Variants in PCNX2 observed in about 807,000 individuals in gnomAD.
The protein encoded by PCNX2 is pecanex 2.
Under a neutral mutation model 223.8 loss-of-function variants are expected in PCNX2, and 168 were observed. The ratio of observed to expected loss-of-function variants is 0.75; its 90% CI spans 0.66 to 0.85. PCNX2 has a LOEUF of 0.85. Ranked by LOEUF, PCNX2 falls within the 40% of genes least tolerant of loss-of-function variation. PCNX2 has a pLI of 0.00. For synonymous variants in PCNX2, 1,006 were observed against 1,052.6 expected (o/e 0.96, Z 0.86); for missense variants, 2,507 against 2,675.5 (o/e 0.94, Z 1.39).
chr1:233,248,178 C>G (rs909216099), intron 8 of PCNX2, among the ~76,000 whole-genome samples: 3 of 152,074 alleles, frequency 2.0e-5, no homozygotes, highest in African/African-American at 7.2e-5. Context: ...ATTCAGTTGC[C>G]TTTTCACCAG....
chr1:232,987,879 T>C (rs1012683229), intron 32 of PCNX2, among the ~76,000 whole-genome samples: 5 of 152,174 alleles, frequency 3.3e-5, no homozygotes, highest in African/African-American at 1.2e-4. Context: ...GGTGCTCCCA[T>C]CTCACTTTCT....
At chr1:233,232,000 C>G (rs895770297) in intron 9 of PCNX2, among the ~76,000 whole-genome samples, 10 of 152,168 alleles carry the variant, frequency 6.6e-5, no homozygotes, top group Admixed American at 5.9e-4. Flanking sequence ...ATGAGAGTAC[C>G]TAGCCCAGTG....
chr1:233,156,381 A>G (rs2102812724), intron 19 of PCNX2, among the ~76,000 whole-genome samples: 1 of 152,346 alleles, frequency 6.6e-6, no homozygotes, highest in South Asian at 2.1e-4. Context: ...AGTTTGTTCC[A>G]GCGACTACAG....
the PCNX2 span, among the ~76,000 whole-genome samples, chr1:233,314,537 A>T: frequency 6.6e-6 from 1 of 152,194 alleles, no homozygotes; most frequent in Non-Finnish European, 1.5e-5. Context: ...GAGAATAATT[A>T]ACAGCTAAGA....
intron 23 of PCNX2, among the ~76,000 whole-genome samples, chr1:233,066,916 C>T (rs936590780): frequency 1.3e-5 from 2 of 152,070 alleles, no homozygotes; most frequent in Non-Finnish European, 2.9e-5. Context: ...CTATCCCTCC[C>T]ATTCAGGAAA....
the PCNX2 span, among the ~76,000 whole-genome samples, chr1:233,300,979 T>C: frequency 1.3e-5 from 2 of 152,106 alleles, no homozygotes; most frequent in African/African-American, 4.8e-5. Flanking sequence ...GATGAAAGGC[T>C]CTTTTGTAAC....
At chr1:233,158,546 G>A (rs1334816941) in intron 19 of PCNX2, among the ~76,000 whole-genome samples, 1 of 152,178 alleles carries the variant, frequency 6.6e-6, no homozygotes, top group Non-Finnish European at 1.5e-5. Flanking sequence ...AGAAGTAAAG[G>A]TAAAGGTATA....
chr1:233,272,306 AAC>A (rs201030754), intron 1 of PCNX2, among the ~76,000 whole-genome samples: 1,509 of 150,554 alleles, frequency 0.01, 12 homozygotes, highest in South Asian at 0.029. Context: ...AAAAAAAAAA[AAC>A]GATCCCATCA....
At chr1:233,263,605 A>C (rs10157957) in intron 1 of PCNX2, among the ~76,000 whole-genome samples, 1 of 151,574 alleles carries the variant, frequency 6.6e-6, no homozygotes, top group East Asian at 1.9e-4. Context: ...ACAGGCATTC[A>C]CCACCATGCC....
intron 13 of PCNX2, among the ~76,000 whole-genome samples, chr1:233,202,666 G>A (rs1000514928): frequency 3.3e-5 from 5 of 152,190 alleles, no homozygotes; most frequent in African/African-American, 9.7e-5. Flanking sequence ...AGGGAAAGGT[G>A]AGTACAATCC....
At chr1:233,232,666 T>C (rs1385117589) in intron 9 of PCNX2, among the ~76,000 whole-genome samples, 2 of 152,236 alleles carry the variant, frequency 1.3e-5, no homozygotes, top group Non-Finnish European at 2.9e-5. Context: ...TTATTTCAAT[T>C]GTTTCATCTT....
At chr1:233,320,440 G>A in the PCNX2 span, among the ~76,000 whole-genome samples, 2 of 152,020 alleles carry the variant, frequency 1.3e-5, no homozygotes, top group African/African-American at 2.4e-5. Context: ...TCAAGACACA[G>A]TACAGTTCCA....
At chr1:233,245,519 G>A (rs1024700256) in intron 8 of PCNX2, among the ~76,000 whole-genome samples, 38 of 152,250 alleles carry the variant, frequency 2.5e-4, no homozygotes, top group African/African-American at 9.2e-4. Context: ...GAGGAGGGCA[G>A]AGGCTGCTTT....
At chr1:233,171,323 T>A (rs981323372) in intron 17 of PCNX2, among the ~76,000 whole-genome samples, 4 of 152,114 alleles carry the variant, frequency 2.6e-5, no homozygotes, top group African/African-American at 7.2e-5. Context: ...TTTTTTCTCC[T>A]CAAATTACTT....
At chr1:233,262,299 G>A (rs970094700) in intron 2 of PCNX2, 134 bp from the exon 3 acceptor site, 4 of 1,175,918 alleles carry the variant, frequency 3.4e-6, no homozygotes, top group African/African-American at 3.1e-5. Context: ...ATCTTTTTTT[G>A]TTGTTGTTAA....
At chr1:233,186,483 G>A (rs557542179) in intron 15 of PCNX2, among the ~76,000 whole-genome samples, 111 of 152,236 alleles carry the variant, frequency 7.3e-4, no homozygotes, top group Admixed American at 1.5e-3. Flanking sequence ...ACGTGTGGGT[G>A]TGCAATGGAT....
intron 25 of PCNX2, among the ~76,000 whole-genome samples, chr1:233,044,740 C>A (rs537344705): frequency 6.6e-6 from 1 of 151,718 alleles, no homozygotes; most frequent in African/African-American, 2.4e-5. Flanking sequence ...GTGATCTTGG[C>A]TCACTGCAAC....
chr1:232,999,104 C>T lies in PCNX2; in HGVS notation c.5603+1G>A. ...CAGAGGCATTTGTTGTAAAAACTTACCTTACCCACTTGGTCCAGAACCAGG... is the reference window on the plus strand; with the variant it reads ...CAGAGGCATTTGTTGTAAAAACTTATCTTACCCACTTGGTCCAGAACCAGG... On this transcript the variant is annotated splice_donor_variant, in intron 31 of 33. Transcript: ENST00000258229. LOFTEE classifies it high-confidence loss of function. The T allele has an allele frequency of 6.3e-7, 1 of 1,599,606 alleles. No homozygotes were observed. The highest frequency in any genetic ancestry group is 8.5e-7 in the Non-Finnish European group (1 of 1,170,002).
At chr1:232,989,481 C>A (rs1669620176) in intron 32 of PCNX2, among the ~76,000 whole-genome samples, 1 of 152,052 alleles carries the variant, frequency 6.6e-6, no homozygotes, top group Non-Finnish European at 1.5e-5. Flanking sequence ...TCACTCTTTG[C>A]TACTTGGCTA....
Sources: allele counts gnomAD v4.1 joint callset (sites outside exome capture counted in the v4.1 genomes callset), GRCh38; gene constraint gnomAD v4.1.1; transcripts MANE v1.5; gene names NCBI Gene and HGNC (gene_info 2026-07-23, HGNC 2026-07-21).